The following ATP5F1E variants were observed in gnomAD, a reference collection of about 807,000 sequenced individuals.
ATP5F1E encodes the protein ATP synthase F1 subunit epsilon.
ATP5F1E carries 5 observed loss-of-function variants against 7.0 expected under a neutral mutation model. The ratio of observed to expected loss-of-function variants is 0.71; its 90% confidence interval spans 0.37 to 1.49. The LOEUF is 1.49. Among genes scored for constraint, ATP5F1E ranks in the 40% most tolerant of loss-of-function variants. ATP5F1E has a pLI of 0.03. For missense variants in ATP5F1E, 59 were observed against 57.1 expected (o/e 1.03, Z -0.11); for synonymous variants, 20 against 20.1 (o/e 0.99, Z 0.02).
chr20:59,030,441 T>C lies in ATP5F1E; in HGVS notation c.33-12A>G, dbSNP rs1160608264. Reference sequence around the variant, plus strand: ...AGTATCGGATGTAGCTGGGAGAAAATGAGAGAAGGTATATGGTTAATTATC... The same window carrying C: ...AGTATCGGATGTAGCTGGGAGAAAACGAGAGAAGGTATATGGTTAATTATC... On this transcript the variant is annotated splice_polypyrimidine_tract_variant and intron_variant, in intron 1 of 2. Transcript: ENST00000243997. 6.2e-7 allele frequency: 1 copy of C among 1,613,236 alleles called. No individual in the cohort carries two copies. Among genetic ancestry groups the C allele is most frequent in the Non-Finnish European group, 8.5e-7 (1 of 1,179,574 alleles).
Position 59,032,220 on chromosome 20 carries a change from C to T in ATP5F1E, c.32G>A (p.Ser11Asn), listed in dbSNP as rs1279296467. 3 of 1,587,114 alleles carry T rather than the reference C, an allele frequency of 1.9e-6. No homozygotes were observed. Among genetic ancestry groups the T allele is most frequent in the Non-Finnish European group, 2.6e-6 (3 of 1,168,068 alleles). The change falls in exon 1 of 3, where the codon AGC (serine) becomes AAC (asparagine). Residue 11 changes from serine to asparagine, a missense_variant and splice_region_variant. Transcript: ENST00000243997. The stretch of plus-strand genomic sequence containing the variant: ...CTTCCCTCTGGAGGCCTGGGCCTAC[C>T]TGAGTCCAGCCTGTCTCCAGTAGGC... Reference protein sequence around the residue: MVAYWRQAGLSYIRYSQICAK... With the variant: MVAYWRQAGLNYIRYSQICAK...
Position 59,032,283 on chromosome 20 carries a change from A to C in ATP5F1E, c.-32T>G. 1.9e-6 allele frequency: 3 copies of C among 1,594,946 alleles called. No homozygotes were observed. The East Asian group carries it at 6.8e-5, about 36-fold the overall frequency. Reference sequence around the variant, plus strand: ...GCGAAAGCGGAGCTCGTCGGGCCGAATCGCCAAGACGCCGGCAATGTCGGC... The same window carrying C: ...GCGAAAGCGGAGCTCGTCGGGCCGACTCGCCAAGACGCCGGCAATGTCGGC... On this transcript the variant is annotated 5_prime_UTR_variant, in exon 1 of 3. Transcript: ENST00000243997.
intron 1 of ATP5F1E, among the ~76,000 whole-genome samples, 188 bp downstream of exon 1, chr20:59,032,032 C>T (rs1456868062): frequency 6.6e-6 from 1 of 152,230 alleles, no homozygotes; most frequent in African/African-American, 2.4e-5. Flanking sequence ...CGCGCTCCCA[C>T]GCGAGGTCGA....
intron 1 of ATP5F1E, 134 bp downstream of exon 1, chr20:59,032,086 G>T: frequency 7.9e-7 from 1 of 1,270,778 alleles, no homozygotes; most frequent in Non-Finnish European, 1.1e-6. Context: ...ACGCCATCTT[G>T]GCGGCGACGC....
chr20:59,030,047 C>G, intron 2 of ATP5F1E: 1 of 384,986 alleles, frequency 2.6e-6, no homozygotes, highest in Non-Finnish European at 5.0e-6. Context: ...CGATGGCTCT[C>G]TACCTAAGCA....
At chr20:59,030,583 G>A (rs1278158155) in intron 1 of ATP5F1E, among the ~76,000 whole-genome samples, 154 bp from the exon 2 acceptor site, 2 of 152,196 alleles carry the variant, frequency 1.3e-5, no homozygotes, top group Non-Finnish European at 2.9e-5. Context: ...ATGCCAAAAA[G>A]TATCTATACA....
In ATP5F1E at chr20:59,027,308, C is replaced by G. The variant is rs1244418630; in HGVS notation, c.*1537G>C. 6.6e-6 allele frequency: 1 copy of G among 152,034 alleles called. No homozygotes were observed. The highest frequency in any genetic ancestry group is 2.4e-5 in the African/African-American group (1 of 41,346). 9.4% of individuals were successfully genotyped at this position (152,034 alleles called of 1,614,324 possible). A position where few individuals can be genotyped will look rare whatever the true frequency, so the allele number is the denominator to read the frequency against. On this transcript the variant is annotated 3_prime_UTR_variant, in exon 3 of 3. Coordinates refer to ENST00000243997, the MANE Select transcript of ATP5F1E (RefSeq NM_006886.4). Reference sequence around the variant, plus strand: ...CCTCAACATACCATATACCAATAATCTGCCAATATACTACCAATCTACCAT... The same window carrying G: ...CCTCAACATACCATATACCAATAATGTGCCAATATACTACCAATCTACCAT...
At chr20:59,030,752 A>G (rs1027687901) in intron 1 of ATP5F1E, among the ~76,000 whole-genome samples, 6 of 152,250 alleles carry the variant, frequency 3.9e-5, no homozygotes, top group Middle Eastern at 3.2e-3. Context: ...CATAGAAAAA[A>G]AGAGACTGAA....
intron 1 of ATP5F1E, 146 bp downstream of exon 1, chr20:59,032,074 C>A (rs1026673875): frequency 2.6e-6 from 3 of 1,162,624 alleles, no homozygotes; most frequent in Non-Finnish European, 3.6e-6. Flanking sequence ...TTGCCCACAG[C>A]GACGCCATCT....
chr20:59,031,189 C>A (rs940950988), intron 1 of ATP5F1E, among the ~76,000 whole-genome samples: 2 of 152,182 alleles, frequency 1.3e-5, no homozygotes, highest in African/African-American at 4.8e-5. Context: ...AGTTCCAATG[C>A]CTGCTTCCAT....
rs990170886 is a variant in ATP5F1E, at chr20:59,027,642, C to T, written c.*1203G>A. On this transcript the variant is annotated 3_prime_UTR_variant, in exon 3 of 3. Transcript: ENST00000243997. ...GGGCCACAGCACTGAACTGAGGTGC[C>T]CTAACTTGCCAACAGCAGGATGACA... 2.6e-5 allele frequency: 4 copies of T among 152,144 alleles called. No homozygotes were observed. The highest frequency in any genetic ancestry group is 2.0e-4 in the Admixed American group (3 of 15,264). 9.4% of individuals were successfully genotyped at this position (152,144 alleles called of 1,614,324 possible).
rs2146383054 is a variant in ATP5F1E, at chr20:59,030,342, G to A, written c.120C>T (p.Gly40=). ...EFKANAEKTS[G]SNVKIVKVKK... is the part of the protein sequence containing the mutation. ...TTACTTTCACAATTTTTACGTTGCT[G>A]CCAGAAGTCTTCTCAGCATTTGCTT... Residue 40 remains glycine (G), a synonymous_variant, in exon 2 of 3, where the codon GGC becomes GGT. Coordinates refer to ENST00000243997, the MANE Select transcript of ATP5F1E (RefSeq NM_006886.4). 6.2e-7 allele frequency: 1 copy of A among 1,613,854 alleles called. No homozygotes were observed. The highest frequency in any genetic ancestry group is 2.2e-5 in the East Asian group (1 of 44,836).
chr20:59,032,073 G>A lies in ATP5F1E; in HGVS notation c.32+147C>T, dbSNP rs1192982647. The A allele has an allele frequency of 2.6e-6, 3 of 1,152,286 alleles. No homozygotes were observed. The East Asian group carries it at 7.9e-5, about 30-fold the overall frequency. The allele number at this position is 1,152,286 out of a possible 1,614,324, so 71.4% of individuals were successfully genotyped here. A position where few individuals can be genotyped will look rare whatever the true frequency, so the allele number is the denominator to read the frequency against. ...CGCCCGCCTGAGCGCTTTGCCCACA[G>A]CGACGCCATCTTGGCGGCGACGCCC... On this transcript the variant is annotated intron_variant, in intron 1 of 2. Transcript: ENST00000243997.
chr20:59,032,286 G>A lies in ATP5F1E; in HGVS notation c.-35C>T, dbSNP rs761811095. 1.9e-6 allele frequency: 3 copies of A among 1,592,292 alleles called. No homozygotes were observed. Among genetic ancestry groups the A allele is most frequent in the East Asian group, 4.5e-5 (2 of 44,176 alleles). Reference sequence around the variant, plus strand: ...AAAGCGGAGCTCGTCGGGCCGAATCGCCAAGACGCCGGCAATGTCGGCTCA... The same window carrying A: ...AAAGCGGAGCTCGTCGGGCCGAATCACCAAGACGCCGGCAATGTCGGCTCA... On this transcript the variant is annotated 5_prime_UTR_variant, in exon 1 of 3. Coordinates refer to ENST00000243997, the MANE Select transcript of ATP5F1E (RefSeq NM_006886.4).
chr20:59,030,742 C>G (rs2092022173), intron 1 of ATP5F1E, among the ~76,000 whole-genome samples: 1 of 152,026 alleles, frequency 6.6e-6, no homozygotes, highest in African/African-American at 2.4e-5. Context: ...AATCCCACAG[C>G]ATAGAAAAAA....
In ATP5F1E at chr20:59,032,296, C is replaced by G. The variant is rs752136718; in HGVS notation, c.-45G>C. On this transcript the variant is annotated 5_prime_UTR_variant, in exon 1 of 3. Coordinates refer to ENST00000243997, the MANE Select transcript of ATP5F1E (RefSeq NM_006886.4). ...TCGTCGGGCCGAATCGCCAAGACGC[C>G]GGCAATGTCGGCTCAGCCGGGCGGT... The G allele has an allele frequency of 5.2e-5, 83 of 1,584,194 alleles. No homozygotes were observed. The highest frequency in any genetic ancestry group is 6.9e-5 in the Non-Finnish European group (80 of 1,165,256).
At position 59,026,535 on chromosome 20, in the gene ATP5F1E, CTT is replaced by C. The variant is rs1156554769; in HGVS notation, c.*2308_*2309del. The C allele has an allele frequency of 1.3e-5, 2 of 152,294 alleles. No homozygotes were observed. The highest frequency in any genetic ancestry group is 3.9e-4 in the East Asian group (2 of 5,188). The allele number at this position is 152,294 out of a possible 1,614,324, so 9.4% of individuals were successfully genotyped here. A position where few individuals can be genotyped will look rare whatever the true frequency, so the allele number is the denominator to read the frequency against. On this transcript the variant is annotated 3_prime_UTR_variant, in exon 3 of 3. Coordinates refer to ENST00000243997, the MANE Select transcript of ATP5F1E (RefSeq NM_006886.4). ...AAACCTTTTAAAAAACTTTTGCTGA[CTT>C]ATATTACTGTAAAGATTTGTTTGCT...
In ATP5F1E at chr20:59,028,569, T is replaced by G. The variant is rs2146381321; in HGVS notation, c.*276A>C. ...TCTGTATCCCTTTGGTCACTAAATATTAAATCTGGCTTCCCCTGCTTTTAA... is the reference window on the plus strand; with the variant it reads ...TCTGTATCCCTTTGGTCACTAAATAGTAAATCTGGCTTCCCCTGCTTTTAA... On this transcript the variant is annotated 3_prime_UTR_variant, in exon 3 of 3. Transcript: ENST00000243997. The G allele has an allele frequency of 6.2e-6, 1 of 161,790 alleles. No individual in the cohort carries two copies. Among genetic ancestry groups the G allele is most frequent in the East Asian group, 1.9e-4 (1 of 5,194 alleles). The allele number at this position is 161,790 out of a possible 1,614,324, so 10.0% of individuals were successfully genotyped here.
rs976344884 is a variant in ATP5F1E, at chr20:59,028,369, A to T, written c.*476T>A. Reference sequence around the variant, plus strand: ...AGTACAATTTAGTATTTCTTCTTCTAATCTACACTTTTAGTATTTAATAAT... The same window carrying T: ...AGTACAATTTAGTATTTCTTCTTCTTATCTACACTTTTAGTATTTAATAAT... On this transcript the variant is annotated 3_prime_UTR_variant, in exon 3 of 3. Transcript: ENST00000243997. The T allele has an allele frequency of 2.0e-5, 3 of 151,888 alleles. No individual in the cohort carries two copies. Among genetic ancestry groups the T allele is most frequent in the Non-Finnish European group, 4.4e-5 (3 of 67,966 alleles). The allele number at this position is 151,888 out of a possible 1,614,324, so 9.4% of individuals were successfully genotyped here. A position where few individuals can be genotyped will look rare whatever the true frequency, so the allele number is the denominator to read the frequency against.
Sources: gnomAD v4.1 joint callset for allele counts (sites outside exome capture counted in the v4.1 genomes callset) on GRCh38, gnomAD v4.1.1 for gene constraint, MANE v1.5 for transcripts, NCBI Gene and HGNC (gene_info 2026-07-23, HGNC 2026-07-21) for gene names.